DZIP1: variants seen among roughly 807,000 people sequenced by gnomAD.
DZIP1 encodes the protein cilium assembly protein DZIP1.
Under a neutral mutation model 107.6 loss-of-function variants are expected in DZIP1, and 97 were observed. That is an observed-to-expected ratio of 0.90 (90% CI 0.77 to 1.07). The LOEUF (loss-of-function observed/expected upper bound fraction) is 1.07, where lower values mean the gene tolerates loss of function less well. DZIP1 is among the 50% of genes least tolerant of loss of function. DZIP1 has a pLI of 0.00. For synonymous variants in DZIP1, 390 were observed against 386.4 expected (o/e 1.01, Z -0.11); for missense variants, 1,035 against 1,063.6 (o/e 0.97, Z 0.37).
At chr13:95,585,005 C>G (rs1257861276) in intron 21 of DZIP1, 95 bp from the exon 22 acceptor site, 4 of 951,412 alleles carry the variant, frequency 4.2e-6, no homozygotes, top group Non-Finnish European at 4.6e-6. Context: ...TAACACTGAA[C>G]CATAAGGAAA....
chr13:95,638,878 G>A (rs957802399), intron 5 of DZIP1, among the ~76,000 whole-genome samples: 4 of 152,186 alleles, frequency 2.6e-5, no homozygotes, highest in Non-Finnish European at 5.9e-5. Context: ...CTGATAATGC[G>A]GTGGACCCAA....
intron 9 of DZIP1, 65 bp from the exon 10 acceptor site, chr13:95,620,012 C>G: frequency 1.3e-6 from 2 of 1,557,750 alleles, no homozygotes; most frequent in Non-Finnish European, 1.8e-6. Context: ...AATATGGGAG[C>G]TTCCTTTTTA....
intron 14 of DZIP1, among the ~76,000 whole-genome samples, chr13:95,604,743 G>C (rs930905534): frequency 2.6e-5 from 4 of 152,280 alleles, no homozygotes; most frequent in Middle Eastern, 3.4e-3. Context: ...ACAAAGTGGA[G>C]GGGTGGGGAA....
At chr13:95,637,972 C>G (rs1005479144) in intron 5 of DZIP1, among the ~76,000 whole-genome samples, 3 of 151,566 alleles carry the variant, frequency 2.0e-5, no homozygotes, top group African/African-American at 7.3e-5. Flanking sequence ...TATAGTCAAA[C>G]AGATTTTCTC....
chr13:95,633,791 G>A (rs1207619774), intron 5 of DZIP1, among the ~76,000 whole-genome samples: 2 of 151,318 alleles, frequency 1.3e-5, no homozygotes, highest in Non-Finnish European at 2.9e-5. Context: ...ACTAATAGAC[G>A]AGACATGAAA....
chr13:95,599,295 A>G, intron 15 of DZIP1, 70 bp downstream of exon 15: 1 of 1,396,804 alleles, frequency 7.2e-7, no homozygotes, highest in Non-Finnish European at 1.0e-6. Context: ...ACTGGCTCAT[A>G]TTTTCCAGGC....
rs765894347 is a variant in DZIP1 at position 95,641,481 on chromosome 13, G to A, written c.411C>T (p.Phe137=). ...TIEYLLHSQE[F]LTSQLHTLEE... is the part of the protein sequence containing the mutation. The stretch of plus-strand genomic sequence containing the variant: ...CCAGGGTGTGCAGCTGCGAGGTGAG[G>A]AACTCTTGTGAGTGCAGCAAGTACT... The change falls in exon 5 of 23, where the codon TTC becomes TTT. Residue 137 remains phenylalanine, a synonymous_variant. Transcript: ENST00000376829. This position sits in a 1 kb window ranked among gnomAD's most constrained non-coding sequence, Gnocchi z 4.3. 19 of 1,614,088 alleles carry A rather than the reference G, an allele frequency of 1.2e-5. No individual in the cohort carries two copies. Among genetic ancestry groups the A allele is most frequent in the Non-Finnish European group, 1.5e-5 (18 of 1,180,010 alleles).
At chr13:95,583,479 A>G (rs1242171079) in intron 22 of DZIP1, among the ~76,000 whole-genome samples, 1 of 152,202 alleles carries the variant, frequency 6.6e-6, no homozygotes, top group Admixed American at 6.5e-5. Context: ...GCGATGGCAT[A>G]GAGAAGCCTT....
intron 16 of DZIP1, 59 bp downstream of exon 16, chr13:95,593,884 CT>C: frequency 6.5e-7 from 1 of 1,548,454 alleles, no homozygotes. Context: ...ATGATCATTT[CT>C]AATTTAGAAA....
At chr13:95,622,064 A>G (rs1172538317) in intron 9 of DZIP1, among the ~76,000 whole-genome samples, 5 of 152,242 alleles carry the variant, frequency 3.3e-5, no homozygotes, top group Non-Finnish European at 7.3e-5. Flanking sequence ...CTGAAAGATG[A>G]AAAATGAATA....
intron 19 of DZIP1, 178 bp from the exon 20 acceptor site, chr13:95,587,907 TAGCATCCTCCCACGCCCAG>T: frequency 1.5e-6 from 1 of 675,732 alleles, no homozygotes; most frequent in Non-Finnish European, 2.4e-6. Context: ...CCCACGGCTG[TAGCATCCTCCCACGCCCAG>T]ATCTCTGCCA....
chr13:95,594,912 G>C (rs2044403541), intron 15 of DZIP1, among the ~76,000 whole-genome samples: 2 of 151,864 alleles, frequency 1.3e-5, no homozygotes, highest in Non-Finnish European at 2.9e-5. Context: ...AGACAGTTTG[G>C]AGAAGAATGA....
intron 14 of DZIP1, among the ~76,000 whole-genome samples, chr13:95,605,355 A>T (rs2044740894): frequency 6.6e-6 from 1 of 152,244 alleles, no homozygotes. Flanking sequence ...AAAACATCAC[A>T]TTAAAGAACA....
intron 15 of DZIP1, among the ~76,000 whole-genome samples, chr13:95,596,722 TA>T (rs1417379190): frequency 6.6e-6 from 1 of 152,202 alleles, no homozygotes; most frequent in Non-Finnish European, 1.5e-5. Flanking sequence ...CTAGCATCTA[TA>T]AAACTGCAAG....
chr13:95,609,398 G>T, intron 13 of DZIP1, 59 bp downstream of exon 13: 1 of 1,150,258 alleles, frequency 8.7e-7, no homozygotes, highest in Non-Finnish European at 1.2e-6. Flanking sequence ...TAAAAGTTAT[G>T]TTTTGGTTTA....
Position 95,620,016 on chromosome 13 carries a change from C to A in DZIP1, c.1111-69G>T, listed in dbSNP as rs78846207. 5,117 of 1,533,622 alleles carry A rather than the reference C, an allele frequency of 3.3e-3. 128 individuals carry two copies. The African/African-American group carries it at 0.057, about 17-fold the overall frequency. ...GAGATCTATGCAATATGGGAGCTTC[C>A]TTTTTAGTGAATACCTATGAAACCC... On this transcript the variant is annotated intron_variant, in intron 9 of 22. Coordinates refer to ENST00000376829, the MANE Select transcript of DZIP1 (RefSeq NM_198968.4).
At chr13:95,587,929 C>A in intron 19 of DZIP1, 200 bp from the exon 20 acceptor site, 1 of 531,200 alleles carries the variant, frequency 1.9e-6, no homozygotes, top group Non-Finnish European at 3.2e-6. Context: ...ACGCCCAGAT[C>A]TCTGCCAGCC....
chr13:95,622,732 A>C (rs1876043557), intron 8 of DZIP1, among the ~76,000 whole-genome samples: 1 of 147,940 alleles, frequency 6.8e-6, no homozygotes, highest in African/African-American at 2.5e-5. Flanking sequence ...TTCTAATCTT[A>C]AACGAGTCTA....
In DZIP1 at chr13:95,609,468, G is replaced by A; in HGVS notation, c.1409C>T (p.Pro470Leu). 1 of 1,578,190 alleles carries A rather than the reference G, an allele frequency of 6.3e-7. No individual in the cohort carries two copies. Among genetic ancestry groups the A allele is most frequent in the South Asian group, 1.2e-5 (1 of 84,522 alleles). The change falls in exon 13 of 23, where the codon CCA becomes CTA. Residue 470 changes from proline to leucine, a missense_variant. Physicochemically the swap from Pro to Leu is moderately conservative, Grantham distance 98. Transcript: ENST00000376829. ...WQAFESQPAA[P>L]AVPMNAPALH... ...TTATAGGAACTTACTAGGCACAGCT[G>A]GAGCAGCTGGCTGAGATTCAAAAGC...
Sources: allele counts gnomAD v4.1 joint callset (sites outside exome capture counted in the v4.1 genomes callset), GRCh38; gene constraint gnomAD v4.1.1; non-coding constraint Gnocchi (gnomAD v3.1); transcripts MANE v1.5; gene names NCBI Gene and HGNC (gene_info 2026-07-23, HGNC 2026-07-21).